Variants in KLHL29 observed in about 807,000 individuals in gnomAD.
KLHL29 encodes kelch-like protein 29.
In KLHL29, 21 loss-of-function variants were observed where a neutral mutation model predicts 80.4. The observed-to-expected ratio is 0.26, with a 90% confidence interval of 0.19 to 0.38. The LOEUF is 0.38. Ranked by LOEUF, KLHL29 falls within the 10% of genes least tolerant of loss-of-function variation. KLHL29 has a pLI of 1.00. For synonymous variants in KLHL29, 511 were observed against 526.8 expected (o/e 0.97, Z 0.41); for missense variants, 867 against 1,223.9 (o/e 0.71, Z 4.35).
At chr2:23,563,726 G>A (rs1467852117) in intron 3 of KLHL29, among the ~76,000 whole-genome samples, 1 of 152,242 alleles carries the variant, frequency 6.6e-6, no homozygotes, top group Non-Finnish European at 1.5e-5. Flanking sequence ...GCCGGCCACA[G>A]AGCCTGGCAG....
intron 3 of KLHL29, among the ~76,000 whole-genome samples, chr2:23,606,201 G>GCA (rs1553343005): frequency 2.1e-5 from 2 of 93,130 alleles, no homozygotes; most frequent in Non-Finnish European, 4.3e-5. Flanking sequence ...AGAGAGAGAG[G>GCA]GAGAGAGAGA....
At chr2:23,462,790 A>G (rs999023633) in intron 1 of KLHL29, among the ~76,000 whole-genome samples, 1 of 152,242 alleles carries the variant, frequency 6.6e-6, no homozygotes, top group Non-Finnish European at 1.5e-5. Flanking sequence ...ACAAAAAAGT[A>G]TACTTACAAT....
At chr2:23,703,583 G>C (rs1034016365) in intron 12 of KLHL29, 136 bp from the exon 13 acceptor site, 1 of 1,204,662 alleles carries the variant, frequency 8.3e-7, no homozygotes, top group East Asian at 2.6e-5. Flanking sequence ...CCTAGGCCCC[G>C]GACCCATCCC....
intron 2 of KLHL29, among the ~76,000 whole-genome samples, chr2:23,512,130 C>G (rs1212388435): frequency 1.3e-5 from 2 of 152,108 alleles, no homozygotes; most frequent in African/African-American, 4.8e-5. Context: ...CTTCTCTGAG[C>G]CTCAGTTTCC....
intron 1 of KLHL29, among the ~76,000 whole-genome samples, chr2:23,468,012 A>T (rs749694214): frequency 5.9e-5 from 9 of 151,996 alleles, no homozygotes; most frequent in African/African-American, 2.2e-4. Context: ...TTGTTCTTCA[A>T]TGAGCAGGCA....
intron 5 of KLHL29, among the ~76,000 whole-genome samples, chr2:23,675,713 C>A (rs1670900235): frequency 6.6e-6 from 1 of 152,198 alleles, no homozygotes; most frequent in Non-Finnish European, 1.5e-5. Context: ...CAAGGAGGAC[C>A]TAAATAATTA....
At position 23,457,881 on chromosome 2, in the gene KLHL29, C is replaced by T. The variant is rs1046009691; in HGVS notation, c.-153-17679C>T. Among the ~76,000 whole-genome samples, 5 of 152,160 alleles carry T rather than the reference C, an allele frequency of 3.3e-5. No individual in the cohort carries two copies. The highest frequency in any genetic ancestry group is 2.1e-4 in the South Asian group (1 of 4,802). On this transcript the variant is annotated intron_variant, in intron 1 of 13. Transcript: ENST00000486442. This position sits in a 1 kb window ranked among gnomAD's most constrained non-coding sequence, Gnocchi z 4.3. ...ACAAAAAATTAGCCAGGCGTGGTGGCGGGCACCTGTAATCCCAGCTACTCG... is the reference window on the plus strand; with the variant it reads ...ACAAAAAATTAGCCAGGCGTGGTGGTGGGCACCTGTAATCCCAGCTACTCG...
intron 3 of KLHL29, among the ~76,000 whole-genome samples, chr2:23,629,793 A>G (rs757546148): frequency 6.6e-6 from 1 of 152,244 alleles, no homozygotes; most frequent in Non-Finnish European, 1.5e-5. Context: ...GGCATGGGCT[A>G]CCACACAGGT....
chr2:23,605,747 C>T (rs1210420282), intron 3 of KLHL29, among the ~76,000 whole-genome samples: 4 of 150,960 alleles, frequency 2.6e-5, no homozygotes, highest in Non-Finnish European at 4.4e-5. Context: ...GTGAAATCCT[C>T]CAAATCCTCA....
At chr2:23,600,610 C>G (rs551725162) in intron 3 of KLHL29, among the ~76,000 whole-genome samples, 3 of 152,250 alleles carry the variant, frequency 2.0e-5, no homozygotes, top group African/African-American at 7.2e-5. Context: ...GCTGTTTGTG[C>G]GGTTTTGCCC....
chr2:23,456,110 T>C (rs1664042961), intron 1 of KLHL29, among the ~76,000 whole-genome samples: 1 of 152,170 alleles, frequency 6.6e-6, no homozygotes, highest in African/African-American at 2.4e-5. Context: ...AAATTCCCAT[T>C]GTTTAAACCA....
chr2:23,686,810 A>G (rs943601669), intron 6 of KLHL29, among the ~76,000 whole-genome samples: 2 of 152,148 alleles, frequency 1.3e-5, no homozygotes, highest in African/African-American at 4.8e-5. Context: ...GGCCTTCAGC[A>G]TACAGTAAGG....
chr2:23,496,105 C>T (rs1665258848), intron 2 of KLHL29, among the ~76,000 whole-genome samples: 1 of 152,198 alleles, frequency 6.6e-6, no homozygotes, highest in Non-Finnish European at 1.5e-5. Context: ...CGGCACTGCT[C>T]AGTCTCAGGG....
At chr2:23,429,444 A>G (rs780193574) in intron 1 of KLHL29, among the ~76,000 whole-genome samples, 1 of 152,208 alleles carries the variant, frequency 6.6e-6, no homozygotes, top group Non-Finnish European at 1.5e-5. Flanking sequence ...AAGTAACATA[A>G]TTGCCTCATC....
At chr2:23,615,636 C>T (rs1416350430) in intron 3 of KLHL29, among the ~76,000 whole-genome samples, 1 of 152,156 alleles carries the variant, frequency 6.6e-6, no homozygotes, top group South Asian at 2.1e-4. Context: ...TTGCACTTTC[C>T]ATGGGCTGCC....
At chr2:23,638,435 C>T (rs1162858437) in intron 3 of KLHL29, among the ~76,000 whole-genome samples, 1 of 151,598 alleles carries the variant, frequency 6.6e-6, no homozygotes, top group Non-Finnish European at 1.5e-5. Flanking sequence ...ATCTACAAAT[C>T]TGAACTAGAG....
At chr2:23,653,978 C>G (rs1670162282) in intron 5 of KLHL29, among the ~76,000 whole-genome samples, 1 of 152,040 alleles carries the variant, frequency 6.6e-6, no homozygotes, top group Admixed American at 6.6e-5. Context: ...ACCAGCCTGG[C>G]CAACATGGCA....
At chr2:23,521,606 A>G (rs759762657) in intron 2 of KLHL29, among the ~76,000 whole-genome samples, 1 of 152,170 alleles carries the variant, frequency 6.6e-6, no homozygotes, top group Non-Finnish European at 1.5e-5. Flanking sequence ...TGCAGGGAAC[A>G]TGCTCCAGGT....
chr2:23,679,493 C>T (rs115268530), intron 5 of KLHL29, among the ~76,000 whole-genome samples: 311 of 152,198 alleles, frequency 2.0e-3, no homozygotes, highest in African/African-American at 7.3e-3. Context: ...GGGTCACTTC[C>T]ACCACATTCT....
Sources: gnomAD v4.1 joint callset for allele counts (sites outside exome capture counted in the v4.1 genomes callset) on GRCh38, gnomAD v4.1.1 for gene constraint, Gnocchi (gnomAD v3.1) non-coding constraint, MANE v1.5 for transcripts, NCBI Gene and HGNC (gene_info 2026-07-23, HGNC 2026-07-21) for gene names.